HTR4: variants seen among roughly 807,000 people sequenced by gnomAD.
The protein encoded by HTR4 is 5-hydroxytryptamine receptor 4, also known as 5-hydroxytryptamine (serotonin) receptor 4, G protein-coupled.
HTR4 carries 16 observed loss-of-function variants against 36.8 expected under a neutral mutation model. The ratio of observed to expected loss-of-function variants is 0.43; its 90% confidence interval spans 0.29 to 0.66. The LOEUF (loss-of-function observed/expected upper bound fraction) is 0.66, where lower values mean the gene tolerates loss of function less well. HTR4 is among the 30% of genes least tolerant of loss of function. HTR4 has a pLI of 0.13. For missense variants in HTR4, 438 were observed against 490.9 expected (o/e 0.89, Z 1.02); for synonymous variants, 189 against 185.1 (o/e 1.02, Z -0.17).
chr5:148,452,923 G>A (rs7727161), intron 5 of HTR4, among the ~76,000 whole-genome samples: 1 of 152,080 alleles, frequency 6.6e-6, no homozygotes, highest in Non-Finnish European at 1.5e-5. Flanking sequence ...GTGAGTCGTA[G>A]ATGCTCAGCC....
intron 5 of HTR4, 102 bp downstream of exon 5, chr5:148,523,091 A>C: frequency 8.7e-7 from 1 of 1,150,426 alleles, no homozygotes; most frequent in Non-Finnish European, 1.2e-6. Context: ...CCAGACCACT[A>C]TCAGATTCTT....
chr5:148,637,101 A>G (rs1753572533), intron 1 of HTR4, 40 bp from the exon 2 acceptor site: 1 of 1,349,666 alleles, frequency 7.4e-7, no homozygotes, highest in East Asian at 2.3e-5. Context: ...AAAAGAAAGC[A>G]GCATTGAAAA....
intron 2 of HTR4, among the ~76,000 whole-genome samples, chr5:148,591,630 A>G (rs78752060): frequency 0.024 from 3,704 of 152,266 alleles, 146 homozygotes; most frequent in East Asian, 0.12. Context: ...CTCATTAAAA[A>G]GTGGGCAAAG....
intron 4 of HTR4, among the ~76,000 whole-genome samples, chr5:148,536,299 C>G (rs1334939542): frequency 1.3e-5 from 2 of 152,054 alleles, no homozygotes; most frequent in African/African-American, 4.8e-5. Flanking sequence ...AATACACAGA[C>G]CAATGATATA....
At chr5:148,598,676 T>C (rs1004760310) in intron 2 of HTR4, among the ~76,000 whole-genome samples, 5 of 152,200 alleles carry the variant, frequency 3.3e-5, no homozygotes, top group East Asian at 1.9e-4. Context: ...TGGAACACAG[T>C]AGGTACTAAA....
At chr5:148,650,624 A>G (rs1561668601) in intron 1 of HTR4, among the ~76,000 whole-genome samples, 1 of 152,184 alleles carries the variant, frequency 6.6e-6, no homozygotes, top group Non-Finnish European at 1.5e-5. Flanking sequence ...TTTTAGATTG[A>G]TGGTAAGGAG....
intron 4 of HTR4, among the ~76,000 whole-genome samples, chr5:148,524,917 C>T (rs182320573): frequency 7.4e-4 from 113 of 152,220 alleles, no homozygotes; most frequent in African/African-American, 2.6e-3. Flanking sequence ...TGTTGGAGCA[C>T]GAGGAGCAGG....
chr5:148,586,050 C>T (rs1186120731), intron 2 of HTR4, among the ~76,000 whole-genome samples: 1 of 152,128 alleles, frequency 6.6e-6, no homozygotes, highest in African/African-American at 2.4e-5. Flanking sequence ...TCATTCTCTA[C>T]CTCACTCACC....
Position 148,590,029 on chromosome 5 carries a change from A to G in HTR4, c.27-39767T>C, listed in dbSNP as rs183564333. The stretch of plus-strand genomic sequence containing the variant: ...CAGCACTCCCTAATCCTTGGCAACC[A>G]CCATTTCACTCTCTGCTTCTATGAG... On this transcript the variant is annotated intron_variant, in intron 2 of 6. Transcript: ENST00000377888. 8.6e-3 allele frequency among the ~76,000 whole-genome samples: 1,312 copies of G among 152,174 alleles called. 8 individuals carry two copies. Among genetic ancestry groups the G allele is most frequent in the Middle Eastern group, 0.037 (11 of 294 alleles).
chr5:148,653,147 A>T (rs1352297284), intron 1 of HTR4, among the ~76,000 whole-genome samples: 7 of 152,164 alleles, frequency 4.6e-5, no homozygotes, highest in Non-Finnish European at 1.0e-4. Context: ...CAGAGAATCC[A>T]TCCCAGCGAT....
intron 2 of HTR4, among the ~76,000 whole-genome samples, chr5:148,588,757 G>T (rs1380232510): frequency 1.3e-5 from 2 of 151,058 alleles, no homozygotes; most frequent in East Asian, 3.9e-4. Context: ...AGCCAGGATG[G>T]TCTTGATCTC....
rs1037164616 is a variant in HTR4 at position 148,545,147 on chromosome 5, G to A, written c.353+3521C>T. On this transcript the variant is annotated intron_variant, in intron 4 of 6. Transcript: ENST00000377888. Reference sequence around the variant, plus strand: ...GGACCCTCCAGCACTATGAGGGAACGCTCTTGGGACAGGGAAAGCTGGAGA... The same window carrying A: ...GGACCCTCCAGCACTATGAGGGAACACTCTTGGGACAGGGAAAGCTGGAGA... Among the ~76,000 whole-genome samples the A allele has an allele frequency of 1.2e-4, 18 of 152,330 alleles. 3 individuals carry two copies. Among genetic ancestry groups the A allele is most frequent in the Admixed American group, 6.5e-4 (10 of 15,302 alleles).
At chr5:148,451,091 C>T in exon 6 of HTR4, 1 of 1,586,382 alleles carries the variant, frequency 6.3e-7, no homozygotes, top group South Asian at 1.2e-5. Flanking sequence ...TGATGCCTCA[C>T]TGGTGGTGAT....
chr5:148,557,649 C>A (rs920055668), intron 2 of HTR4, among the ~76,000 whole-genome samples: 3 of 151,822 alleles, frequency 2.0e-5, no homozygotes, highest in Non-Finnish European at 1.5e-5. Flanking sequence ...AAGGTAGAAC[C>A]AGCAGAGGAG....
chr5:148,651,428 G>A (rs915896684), intron 1 of HTR4, among the ~76,000 whole-genome samples: 3 of 152,166 alleles, frequency 2.0e-5, no homozygotes, highest in African/African-American at 7.2e-5. Flanking sequence ...TACAGGACTC[G>A]TGCTTGAATT....
chr5:148,648,879 C>A (rs1415133450), intron 1 of HTR4, among the ~76,000 whole-genome samples: 1 of 152,186 alleles, frequency 6.6e-6, no homozygotes, highest in Non-Finnish European at 1.5e-5. Context: ...GCTGAGTTTT[C>A]TAGAATTGAC....
chr5:148,635,806 CCTGGCACCAGGT>C (rs1753512557), intron 2 of HTR4, among the ~76,000 whole-genome samples: 2 of 152,202 alleles, frequency 1.3e-5, no homozygotes, highest in South Asian at 4.1e-4. Flanking sequence ...AAATTAAAGA[CCTGGCACCAGGT>C]CTGGCACCAG....
chr5:148,623,088 A>G (rs902294203), intron 2 of HTR4, among the ~76,000 whole-genome samples: 1 of 152,248 alleles, frequency 6.6e-6, no homozygotes, highest in Non-Finnish European at 1.5e-5. Flanking sequence ...CAAGAGAGAA[A>G]GAGAAACAGG....
At chr5:148,647,817 C>T (rs1001847701) in intron 1 of HTR4, among the ~76,000 whole-genome samples, 4 of 152,180 alleles carry the variant, frequency 2.6e-5, no homozygotes, top group Non-Finnish European at 5.9e-5. Flanking sequence ...CCACTGCACT[C>T]CAGCCTCGCT....
Sources: gnomAD v4.1 joint callset for allele counts (sites outside exome capture counted in the v4.1 genomes callset) on GRCh38, gnomAD v4.1.1 for gene constraint, MANE v1.5 for transcripts, NCBI Gene and HGNC (gene_info 2026-07-23, HGNC 2026-07-21) for gene names.